The following COMMD10 variants were observed in gnomAD, a reference collection of about 807,000 sequenced individuals.
COMMD10 encodes the protein COMM domain-containing protein 10.
Under a neutral mutation model 28.9 loss-of-function variants are expected in COMMD10, and 33 were observed. That is an observed-to-expected ratio of 1.14 (90% CI 0.87 to 1.53). The LOEUF (loss-of-function observed/expected upper bound fraction) is 1.53, where lower values mean the gene tolerates loss of function less well. COMMD10 is among the 40% of genes most tolerant of loss of function. The pLI is 0.00. For synonymous variants in COMMD10, 110 were observed against 81.7 expected (o/e 1.35, Z -1.87); for missense variants, 310 against 233.4 (o/e 1.33, Z -2.14).
intron 5 of COMMD10, among the ~76,000 whole-genome samples, chr5:116,166,885 G>A (rs1012794449): frequency 6.6e-6 from 1 of 152,056 alleles, no homozygotes; most frequent in South Asian, 2.1e-4. Flanking sequence ...CCATGAAGAT[G>A]AGGAAAAAAA....
Position 116,278,822 on chromosome 5 carries a change from T to G in COMMD10, c.511-12695T>G, listed in dbSNP as rs75413978. On this transcript the variant is annotated intron_variant, in intron 5 of 6. Coordinates refer to ENST00000274458, the MANE Select transcript of COMMD10 (RefSeq NM_016144.4). ...TTTAAGCTAACTACAGAATAAATAC[T>G]TAGAGTGTAATTACTATTTAGCCCA... 7.2e-5 allele frequency among the ~76,000 whole-genome samples: 11 copies of G among 151,948 alleles called. No homozygotes were observed. In the East Asian group the frequency reaches 2.1e-3, roughly 29 times the overall value.
chr5:116,263,100 C>A (rs1368898188), intron 5 of COMMD10, among the ~76,000 whole-genome samples: 4 of 151,858 alleles, frequency 2.6e-5, no homozygotes, highest in South Asian at 4.1e-4. Context: ...TGTAGAAGTT[C>A]TTCACGAATA....
chr5:116,284,668 A>G (rs115869450), intron 5 of COMMD10, among the ~76,000 whole-genome samples: 1 of 152,062 alleles, frequency 6.6e-6, no homozygotes, highest in East Asian at 1.9e-4. Flanking sequence ...AGGAGTTTCT[A>G]CATTTTCCAC....
chr5:116,275,097 A>T (rs1367097010), intron 5 of COMMD10, among the ~76,000 whole-genome samples: 1 of 151,682 alleles, frequency 6.6e-6, no homozygotes, highest in Non-Finnish European at 1.5e-5. Context: ...GAATGGCCCT[A>T]CCCATCTTTC....
chr5:116,151,406 A>T (rs146515904), intron 5 of COMMD10, among the ~76,000 whole-genome samples: 1 of 151,718 alleles, frequency 6.6e-6, no homozygotes, highest in Non-Finnish European at 1.5e-5. Flanking sequence ...CTCTTTTTCT[A>T]TTGATTGGAA....
chr5:116,178,332 ACTT>A (rs1747814190), intron 5 of COMMD10, among the ~76,000 whole-genome samples: 1 of 152,074 alleles, frequency 6.6e-6, no homozygotes, highest in South Asian at 2.1e-4. Flanking sequence ...GTTCTTTCCC[ACTT>A]CTTAAGATTC....
intron 5 of COMMD10, among the ~76,000 whole-genome samples, chr5:116,222,697 T>C (rs945980167): frequency 2.0e-5 from 3 of 152,106 alleles, no homozygotes; most frequent in African/African-American, 7.2e-5. Flanking sequence ...TATTTATTTG[T>C]TTATTATTTT....
chr5:116,128,405 A>C (rs372816564), intron 4 of COMMD10, among the ~76,000 whole-genome samples: 1 of 152,056 alleles, frequency 6.6e-6, no homozygotes, highest in East Asian at 1.9e-4. Context: ...AACCTAGGAC[A>C]TTAAAGTGTA....
intron 4 of COMMD10, among the ~76,000 whole-genome samples, chr5:116,117,488 G>T (rs923062322): frequency 3.3e-5 from 5 of 152,042 alleles, no homozygotes; most frequent in African/African-American, 9.7e-5. Flanking sequence ...TTGAGGTAGG[G>T]TCTCGCTCTG....
chr5:116,183,590 G>A (rs1176592331), intron 5 of COMMD10, among the ~76,000 whole-genome samples: 3 of 152,052 alleles, frequency 2.0e-5, no homozygotes, highest in African/African-American at 7.2e-5. Context: ...AACTTTCTTT[G>A]TGTTCTGAGA....
chr5:116,288,959 G>T (rs1343360478), intron 5 of COMMD10, among the ~76,000 whole-genome samples: 1 of 138,722 alleles, frequency 7.2e-6, no homozygotes, highest in Non-Finnish European at 1.5e-5. Context: ...TTGGCTGACT[G>T]CAACCTCTGC....
At chr5:116,165,415 TA>T (rs1186220937) in intron 5 of COMMD10, among the ~76,000 whole-genome samples, 1 of 152,216 alleles carries the variant, frequency 6.6e-6, no homozygotes, top group African/African-American at 2.4e-5. Flanking sequence ...ATTAGTCTGC[TA>T]GGGCTGCCAA....
At chr5:116,206,793 A>C (rs1748824733) in intron 5 of COMMD10, among the ~76,000 whole-genome samples, 2 of 152,242 alleles carry the variant, frequency 1.3e-5, no homozygotes, top group Non-Finnish European at 2.9e-5. Flanking sequence ...TGCAATAAGC[A>C]AACCTCTTTG....
chr5:116,288,499 G>A (rs761047165), intron 5 of COMMD10, among the ~76,000 whole-genome samples: 3 of 151,900 alleles, frequency 2.0e-5, no homozygotes, highest in East Asian at 1.9e-4. Context: ...GATTGGGGAA[G>A]TTTTCAGCCA....
At chr5:116,271,112 A>G (rs947569683) in intron 5 of COMMD10, among the ~76,000 whole-genome samples, 6 of 151,194 alleles carry the variant, frequency 4.0e-5, no homozygotes, top group Admixed American at 6.6e-5. Flanking sequence ...TTTCCTCTAG[A>G]AATATATGAT....
chr5:116,085,359 C>G, intron 1 of COMMD10: 1 of 451,484 alleles, frequency 2.2e-6, no homozygotes, highest in Non-Finnish European at 3.9e-6. Context: ...GGTCTGCAAG[C>G]GTGGGGTCTG....
At chr5:116,153,120 A>G (rs765808688) in intron 5 of COMMD10, among the ~76,000 whole-genome samples, 2 of 152,140 alleles carry the variant, frequency 1.3e-5, no homozygotes, top group Non-Finnish European at 2.9e-5. Context: ...ACCTAATTCT[A>G]TATATTTTGG....
chr5:116,292,413 T>G, intron 6 of COMMD10, 38 bp from the exon 7 acceptor site: 1 of 1,452,952 alleles, frequency 6.9e-7, no homozygotes, highest in Non-Finnish European at 9.2e-7. Flanking sequence ...TTCGTTCCCT[T>G]CACTAACGTC....
At chr5:116,088,228 A>T (rs536792476) in intron 2 of COMMD10, among the ~76,000 whole-genome samples, 36 of 152,120 alleles carry the variant, frequency 2.4e-4, no homozygotes, top group African/African-American at 8.2e-4. Context: ...GAGAACCAAG[A>T]CTCTTACTCT....
Sources: gnomAD v4.1 joint callset for allele counts (sites outside exome capture counted in the v4.1 genomes callset) on GRCh38, gnomAD v4.1.1 for gene constraint, MANE v1.5 for transcripts, NCBI Gene and HGNC (gene_info 2026-07-23, HGNC 2026-07-21) for gene names.